SLC36A1: variants seen among roughly 807,000 people sequenced by gnomAD.
SLC36A1 encodes the protein proton-coupled amino acid transporter 1.
SLC36A1 carries 30 observed loss-of-function variants against 47.5 expected under a neutral mutation model. That is an observed-to-expected ratio of 0.63 (90% CI 0.47 to 0.86). The LOEUF is 0.86. SLC36A1 is among the 40% of genes least tolerant of loss of function. The pLI, the probability that SLC36A1 is intolerant of heterozygous loss-of-function variation, is 0.00. For synonymous variants in SLC36A1, 255 were observed against 249.7 expected (o/e 1.02, Z -0.20); for missense variants, 517 against 606.0 (o/e 0.85, Z 1.54).
the SLC36A1 span, chr5:151,553,462 C>A: frequency 7.6e-7 from 1 of 1,315,322 alleles, no homozygotes; most frequent in South Asian, 1.3e-5. Context: ...GGACAGGAAC[C>A]AGAGCGTCCT....
chr5:151,503,219 A>G, the SLC36A1 span, among the ~76,000 whole-genome samples: 3 of 147,896 alleles, frequency 2.0e-5, no homozygotes, highest in Non-Finnish European at 4.4e-5. Flanking sequence ...AATGTAAACT[A>G]TGGACTGTAG....
At chr5:151,521,952 A>C in the SLC36A1 span, 4 of 1,613,862 alleles carry the variant, frequency 2.5e-6, no homozygotes, top group Non-Finnish European at 3.4e-6. Flanking sequence ...CCACCATGCC[A>C]CCCTGGAACT....
chr5:151,482,274 C>A (rs1327689894), intron 10 of SLC36A1, among the ~76,000 whole-genome samples: 13 of 152,044 alleles, frequency 8.6e-5, no homozygotes, highest in Admixed American at 8.5e-4. Flanking sequence ...CCCTGCCACC[C>A]CCCACCCTGC....
chr5:151,376,584 CT>C, the SLC36A1 span, among the ~76,000 whole-genome samples: 210 of 152,092 alleles, frequency 1.4e-3, no homozygotes, highest in Admixed American at 5.4e-3. Context: ...CTTAGCACTA[CT>C]TTTTTTATAT....
At chr5:151,551,513 T>A in the SLC36A1 span, 1 of 1,614,188 alleles carries the variant, frequency 6.2e-7, no homozygotes, top group Non-Finnish European at 8.5e-7. Context: ...AACAGTCAAG[T>A]TATAGTTCGA....
chr5:151,427,473 G>A, the SLC36A1 span, among the ~76,000 whole-genome samples: 5 of 152,196 alleles, frequency 3.3e-5, no homozygotes, highest in Non-Finnish European at 7.3e-5. Flanking sequence ...GTCCTGAGTC[G>A]CAGCTCCCTG....
the SLC36A1 span, chr5:151,504,133 C>T: frequency 6.6e-6 from 1 of 152,384 alleles, no homozygotes; most frequent in Admixed American, 6.6e-5. Context: ...AAAAAAATGA[C>T]CAATGAAACT....
the SLC36A1 span, chr5:151,527,247 C>G: frequency 6.2e-7 from 1 of 1,610,454 alleles, no homozygotes. Flanking sequence ...GACAGTGGTG[C>G]TGTAGTTGAG....
At chr5:151,429,383 G>A in the SLC36A1 span, among the ~76,000 whole-genome samples, 2 of 121,544 alleles carry the variant, frequency 1.6e-5, no homozygotes, top group Admixed American at 1.1e-4. Context: ...GGAGTGTGAT[G>A]TTCCCCTTCC....
the SLC36A1 span, among the ~76,000 whole-genome samples, chr5:151,429,504 C>T: frequency 6.6e-6 from 1 of 151,842 alleles, no homozygotes. Flanking sequence ...CCAGTTTCAT[C>T]CATGTCCCTA....
chr5:151,549,543 T>C, the SLC36A1 span: 1 of 1,591,246 alleles, frequency 6.3e-7, no homozygotes, highest in Non-Finnish European at 8.6e-7. Context: ...AAGCAGCAAA[T>C]GGAATAGGAG....
At chr5:151,379,126 C>A in the SLC36A1 span, among the ~76,000 whole-genome samples, 1 of 152,172 alleles carries the variant, frequency 6.6e-6, no homozygotes, top group Non-Finnish European at 1.5e-5. Context: ...CCCAGCCTGG[C>A]AGTGGTAATG....
intron 1 of SLC36A1, among the ~76,000 whole-genome samples, chr5:151,448,124 C>T (rs115504320): frequency 4.6e-5 from 7 of 152,288 alleles, no homozygotes; most frequent in Non-Finnish European, 5.9e-5. Flanking sequence ...GAGACAGGCT[C>T]ATAATGGGTC....
At chr5:151,545,772 A>G in the SLC36A1 span, 1 of 1,614,128 alleles carries the variant, frequency 6.2e-7, no homozygotes, top group East Asian at 2.2e-5. Flanking sequence ...CATGAATCAC[A>G]AAGGGGTTGT....
intron 1 of SLC36A1, among the ~76,000 whole-genome samples, chr5:151,458,312 GTATATATATATATATA>G: frequency 9.0e-6 from 1 of 111,232 alleles, no homozygotes; most frequent in South Asian, 3.1e-4. Flanking sequence ...GTGTATATAC[GTATATATATATATATA>G]TATATGGGAT....
At chr5:151,376,470 G>C in the SLC36A1 span, among the ~76,000 whole-genome samples, 2 of 151,932 alleles carry the variant, frequency 1.3e-5, no homozygotes, top group Admixed American at 6.6e-5. Flanking sequence ...TTTGGGTTGG[G>C]TTTGTTCTTG....
the SLC36A1 span, among the ~76,000 whole-genome samples, chr5:151,365,337 A>G: frequency 2.6e-5 from 4 of 152,246 alleles, no homozygotes; most frequent in African/African-American, 7.2e-5. Flanking sequence ...ATGCTCATAC[A>G]GCATCTTCAC....
chr5:151,378,652 G>A, the SLC36A1 span: 305 of 158,480 alleles, frequency 1.9e-3, 3 homozygotes, highest in African/African-American at 6.8e-3. Context: ...ATCTCTCATA[G>A]TAGCTGCCAC....
chr5:151,356,339 CAAAA>C, the SLC36A1 span, among the ~76,000 whole-genome samples: 6,686 of 51,334 alleles, frequency 0.13, 593 homozygotes, highest in African/African-American at 0.34. Context: ...CTCTGTCTCA[CAAAA>C]AAAAAAAAAA....
Sources: allele counts gnomAD v4.1 joint callset (sites outside exome capture counted in the v4.1 genomes callset), GRCh38; gene constraint gnomAD v4.1.1; transcripts MANE v1.5; gene names NCBI Gene and HGNC (gene_info 2026-07-23, HGNC 2026-07-21).